Variants in LRP8 observed in about 807,000 individuals in gnomAD.
LRP8 encodes LDL receptor related protein 8.
LRP8 carries 46 observed loss-of-function variants against 111.6 expected under a neutral mutation model. The observed-to-expected ratio is 0.41, with a 90% CI of 0.33 to 0.53. LRP8 has a LOEUF of 0.53. LRP8 is among the 20% of genes least tolerant of loss of function. LRP8 has a pLI of 0.20. For synonymous variants in LRP8, 464 were observed against 511.2 expected (o/e 0.91, Z 1.24); for missense variants, 959 against 1,297.4 (o/e 0.74, Z 4.01).
intron 2 of LRP8, among the ~76,000 whole-genome samples, chr1:53,326,446 G>A (rs1448739045): frequency 1.3e-5 from 2 of 152,254 alleles, no homozygotes; most frequent in African/African-American, 4.8e-5. Context: ...AAACTGAGCA[G>A]GAAAAGGAGC....
intron 3 of LRP8, among the ~76,000 whole-genome samples, chr1:53,281,270 T>A (rs1430436136): frequency 6.6e-6 from 1 of 152,242 alleles, no homozygotes; most frequent in Non-Finnish European, 1.5e-5. Context: ...AGCTGCTGCA[T>A]GGCAGGGCCC....
chr1:53,263,334 C>T (rs1355254701), intron 10 of LRP8, among the ~76,000 whole-genome samples: 1 of 152,240 alleles, frequency 6.6e-6, no homozygotes, highest in African/African-American at 2.4e-5. Context: ...CTCACATAAC[C>T]TCCCATGTGG....
rs1651349394 is a variant in LRP8 at position 53,303,389 on chromosome 1, A to G, written c.245-13700T>C. ...CCTGGGCCCCAGGGCCATGTGGCCC[A>G]GCCCTTGGATTTCATACATGAGAAA... On this transcript the variant is annotated intron_variant, in intron 2 of 18. Coordinates refer to ENST00000306052, the MANE Select transcript of LRP8 (RefSeq NM_004631.5). The surrounding 1 kb of genome is among the most constrained non-coding windows in gnomAD (Gnocchi z 4.3). Among the ~76,000 whole-genome samples the G allele has an allele frequency of 2.0e-5, 3 of 152,228 alleles. No individual in the cohort carries two copies. In the South Asian group the frequency reaches 6.2e-4, roughly 32 times the overall value.
intron 16 of LRP8, among the ~76,000 whole-genome samples, chr1:53,252,859 A>T (rs1018877661): frequency 3.9e-5 from 6 of 152,246 alleles, no homozygotes; most frequent in Non-Finnish European, 7.3e-5. Flanking sequence ...CTGAATAAAA[A>T]TAGCTGAGAA....
intron 1 of LRP8, 89 bp from the exon 2 acceptor site, chr1:53,327,081 G>T: frequency 6.5e-7 from 1 of 1,547,334 alleles, no homozygotes; most frequent in Non-Finnish European, 8.7e-7. Context: ...GACCCGCTGG[G>T]GAGGAGGAAA....
rs550129789 is a variant in LRP8 at position 53,289,428 on chromosome 1, A to T, written c.367+139T>A. The T allele has an allele frequency of 3.4e-6, 4 of 1,182,764 alleles. No homozygotes were observed. The African/African-American group carries it at 6.1e-5, about 18-fold the overall frequency. The allele number at this position is 1,182,764 out of a possible 1,614,324, so 73.3% of individuals were successfully genotyped here. On this transcript the variant is annotated intron_variant, in intron 3 of 18. Coordinates refer to ENST00000306052, the MANE Select transcript of LRP8 (RefSeq NM_004631.5). ...TCAGTAGAAACCAGCAACTAAATAT[A>T]TCTGTTTACCAGGAGCGCCCTGAGT... is the stretch of plus-strand genomic sequence containing the variant.
rs770826858 is a variant in LRP8 at position 53,266,577 on chromosome 1, G to A, written c.1323C>T (p.Asn441=). 3 of 1,614,176 alleles carry A rather than the reference G, an allele frequency of 1.9e-6. No individual in the cohort carries two copies. In the South Asian group the frequency reaches 3.3e-5, roughly 18 times the overall value. The part of the protein sequence containing the change: ...EVRRIDLVKR[N]YSRLIPMLKN... ...TGAGCATGGGGATGAGGCGTGAATAGTTCCGCTTCACCAGGTCGATCCTCC... is the reference window on the plus strand; with the variant it reads ...TGAGCATGGGGATGAGGCGTGAATAATTCCGCTTCACCAGGTCGATCCTCC... The change falls in exon 9 of 19, where the codon AAC becomes AAT. Residue 441 remains asparagine (N), a synonymous_variant. Transcript: ENST00000306052. This position sits in a 1 kb window ranked among gnomAD's most constrained non-coding sequence, Gnocchi z 5.0.
intron 4 of LRP8, among the ~76,000 whole-genome samples, chr1:53,277,786 G>C (rs1202739440): frequency 3.3e-5 from 5 of 152,128 alleles, no homozygotes; most frequent in Non-Finnish European, 7.4e-5. Flanking sequence ...CTCTGCCCTC[G>C]TTTCTGAGCC....
Position 53,249,626 on chromosome 1 carries a change from G to T in LRP8, c.2677-70C>A. On this transcript the variant is annotated intron_variant, in intron 17 of 18. Transcript: ENST00000306052. The surrounding 1 kb of genome is among the most constrained non-coding windows in gnomAD (Gnocchi z 4.1). ...AGCCCCCTGACTGTGCTGTATAACAGTGACACCTGCTGTGCCACTTTGTGG... is the reference window on the plus strand; with the variant it reads ...AGCCCCCTGACTGTGCTGTATAACATTGACACCTGCTGTGCCACTTTGTGG... 6.8e-7 allele frequency: 1 copy of T among 1,478,458 alleles called. No individual in the cohort carries two copies. The highest frequency in any genetic ancestry group is 9.0e-7 in the Non-Finnish European group (1 of 1,113,766). 91.6% of individuals were successfully genotyped at this position (1,478,458 alleles called of 1,614,324 possible).
rs151064378 is a variant in LRP8 at position 53,242,371 on chromosome 1, T to A, written c.*4647A>T. On this transcript the variant is annotated 3_prime_UTR_variant, in exon 19 of 19. Coordinates refer to ENST00000306052, the MANE Select transcript of LRP8 (RefSeq NM_004631.5). ...GAAACAAAACTTAAAAGATTTTTTTTAAATGAATTTAATCTCTCTCTAGAA... is the reference window on the plus strand; with the variant it reads ...GAAACAAAACTTAAAAGATTTTTTTAAAATGAATTTAATCTCTCTCTAGAA... The A allele has an allele frequency of 2.0e-5, 3 of 152,302 alleles. No individual in the cohort carries two copies. The highest frequency in any genetic ancestry group is 7.2e-5 in the African/African-American group (3 of 41,560). 9.4% of individuals were successfully genotyped at this position (152,302 alleles called of 1,614,324 possible).
chr1:53,283,455 A>G (rs1465960994), intron 3 of LRP8, among the ~76,000 whole-genome samples: 1 of 149,520 alleles, frequency 6.7e-6, no homozygotes, highest in Non-Finnish European at 1.5e-5. Context: ...CCACTTACTT[A>G]CTACATACCC....
intron 2 of LRP8, among the ~76,000 whole-genome samples, chr1:53,299,625 C>T (rs978192767): frequency 6.6e-6 from 1 of 152,166 alleles, no homozygotes; most frequent in Non-Finnish European, 1.5e-5. Flanking sequence ...CCACCTGTGC[C>T]CACCTGTGTG....
intron 2 of LRP8, among the ~76,000 whole-genome samples, chr1:53,291,157 G>T (rs1180406726): frequency 6.6e-6 from 1 of 152,152 alleles, no homozygotes; most frequent in African/African-American, 2.4e-5. Flanking sequence ...AAGAGAGGGT[G>T]ATCTGGTGAG....
Position 53,275,488 on chromosome 1 carries a change from G to A in LRP8, c.1006+143C>T, listed in dbSNP as rs564125477. The A allele has an allele frequency of 2.0e-5, 22 of 1,104,922 alleles. No individual in the cohort carries two copies. The African/African-American group carries it at 3.0e-4, about 15-fold the overall frequency. The allele number at this position is 1,104,922 out of a possible 1,614,324, so 68.4% of individuals were successfully genotyped here. A position where few individuals can be genotyped will look rare whatever the true frequency, so the allele number is the denominator to read the frequency against. ...TAGGACCCCATGGAAAGGGAGCCAG[G>A]TGATTTAGGGGCAAGTGATGCTCTG... is the stretch of plus-strand genomic sequence containing the variant. On this transcript the variant is annotated intron_variant, in intron 6 of 18. Coordinates refer to ENST00000306052, the MANE Select transcript of LRP8 (RefSeq NM_004631.5). The surrounding 1 kb of genome is among the most constrained non-coding windows in gnomAD (Gnocchi z 4.4).
chr1:53,297,306 T>G (rs928738179), intron 2 of LRP8, among the ~76,000 whole-genome samples: 5 of 152,222 alleles, frequency 3.3e-5, no homozygotes, highest in African/African-American at 1.2e-4. Context: ...CAGCCTCTGA[T>G]GCCTTCCCTG....
chr1:53,301,730 T>TAAA (rs34765403), intron 2 of LRP8, among the ~76,000 whole-genome samples: 30 of 144,518 alleles, frequency 2.1e-4, no homozygotes, highest in Admixed American at 4.1e-4. Flanking sequence ...AACCCTGTCT[T>TAAA]AAAAAAAAAA....
intron 2 of LRP8, among the ~76,000 whole-genome samples, chr1:53,300,678 C>T (rs770582557): frequency 4.3e-4 from 65 of 152,146 alleles, no homozygotes; most frequent in Non-Finnish European, 7.6e-4. Context: ...GGCTCGGCCA[C>T]TGTCATAAAG....
At chr1:53,291,370 C>T (rs1254734444) in intron 2 of LRP8, among the ~76,000 whole-genome samples, 1 of 152,122 alleles carries the variant, frequency 6.6e-6, no homozygotes, top group Non-Finnish European at 1.5e-5. Context: ...TGTGGCCTCT[C>T]CCCAGGGGCT....
intron 2 of LRP8, among the ~76,000 whole-genome samples, chr1:53,308,676 G>A (rs1044694756): frequency 5.9e-5 from 9 of 152,200 alleles, no homozygotes; most frequent in African/African-American, 1.9e-4. Flanking sequence ...TGTGGGAGGT[G>A]AGAGGCCCAA....
Sources: gnomAD v4.1 joint callset for allele counts (sites outside exome capture counted in the v4.1 genomes callset) on GRCh38, gnomAD v4.1.1 for gene constraint, Gnocchi (gnomAD v3.1) non-coding constraint, MANE v1.5 for transcripts, NCBI Gene and HGNC (gene_info 2026-07-23, HGNC 2026-07-21) for gene names.